CFAP20DC: variants seen among roughly 807,000 people sequenced by gnomAD.
CFAP20DC encodes the protein protein CFAP20DC.
A neutral mutation model predicts 101.7 loss-of-function variants in CFAP20DC; 84 were observed. That is an observed-to-expected ratio of 0.83 (90% CI 0.69 to 0.99). CFAP20DC has a LOEUF of 0.99. Ranked by LOEUF, CFAP20DC falls within the 50% of genes least tolerant of loss-of-function variation. CFAP20DC has a pLI of 0.00. For synonymous variants in CFAP20DC, 359 were observed against 351.2 expected (o/e 1.02, Z -0.25); for missense variants, 1,007 against 970.3 (o/e 1.04, Z -0.50).
chr3:58,775,286 C>T (rs925660880), intron 15 of CFAP20DC, among the ~76,000 whole-genome samples: 2 of 152,060 alleles, frequency 1.3e-5, no homozygotes, highest in South Asian at 4.1e-4. Flanking sequence ...ATAAGCTTTT[C>T]CAAAGTAGAC....
intron 4 of CFAP20DC, 28 bp downstream of exon 4, chr3:59,039,529 A>G (rs1028368429): frequency 1.6e-5 from 21 of 1,353,136 alleles, no homozygotes; most frequent in Non-Finnish European, 2.0e-5. Flanking sequence ...TACACACAAA[A>G]CATTCAAAGA....
Position 58,913,050 on chromosome 3 carries a change from C to T in CFAP20DC, c.550+658G>A. On this transcript the variant is annotated intron_variant, in intron 6 of 16. Coordinates refer to ENST00000482387, the MANE Select transcript of CFAP20DC (RefSeq NM_001394063.1). The surrounding 1 kb of genome is among the most constrained non-coding windows in gnomAD (Gnocchi z 4.4). ...GCCTGCCTTCCTTGCAGCATGCAAC[C>T]TAGACTCCACAGGACAGAAACAGCC... Among the ~76,000 whole-genome samples, 1 of 152,132 alleles carries T rather than the reference C, an allele frequency of 6.6e-6. No homozygotes were observed. Among genetic ancestry groups the T allele is most frequent in the East Asian group, 1.9e-4 (1 of 5,198 alleles).
intron 12 of CFAP20DC, among the ~76,000 whole-genome samples, chr3:58,852,838 T>C (rs1468405006): frequency 1.3e-5 from 2 of 148,616 alleles, no homozygotes; most frequent in Non-Finnish European, 3.0e-5. Context: ...CAAAGCAGTG[T>C]GTAGAGGGAA....
Position 58,849,110 on chromosome 3 carries a change from C to G in CFAP20DC, c.1893G>C (p.Gln631His). The change falls in exon 13 of 17, where the codon CAG (glutamine) becomes CAC (histidine). Residue 631 changes from glutamine to histidine, a missense_variant. Physicochemically the swap from Gln to His is conservative, Grantham distance 24. Coordinates refer to ENST00000482387, the MANE Select transcript of CFAP20DC (RefSeq NM_001394063.1). ...PVIKAKDLSA[Q>H]QVPASLNKTS... ...TTTTGTTTAGTGAAGCTGGCACTTGCTGGGCTGATAGATCCTTCGCTTTGA... is the reference window on the plus strand; with the variant it reads ...TTTTGTTTAGTGAAGCTGGCACTTGGTGGGCTGATAGATCCTTCGCTTTGA... The G allele has an allele frequency of 6.5e-7, 1 of 1,536,064 alleles. No homozygotes were observed. The highest frequency in any genetic ancestry group is 1.2e-5 in the South Asian group (1 of 84,032).
intron 4 of CFAP20DC, among the ~76,000 whole-genome samples, chr3:58,969,884 T>C (rs1177628877): frequency 6.6e-6 from 1 of 152,160 alleles, no homozygotes; most frequent in South Asian, 2.1e-4. Flanking sequence ...GGAGAGTACC[T>C]GCTAATGGGT....
At chr3:58,829,257 G>T (rs577959792) in intron 14 of CFAP20DC, among the ~76,000 whole-genome samples, 2 of 149,214 alleles carry the variant, frequency 1.3e-5, no homozygotes, top group Admixed American at 6.8e-5. Context: ...GGAGGCAGAG[G>T]TTGCAGTGAG....
intron 4 of CFAP20DC, among the ~76,000 whole-genome samples, chr3:58,962,655 G>A (rs2091234673): frequency 6.6e-6 from 1 of 152,156 alleles, no homozygotes; most frequent in Admixed American, 6.5e-5. Flanking sequence ...TACCCTTGCT[G>A]ATGGATCTAT....
At position 58,794,451 on chromosome 3, in the gene CFAP20DC, G is replaced by GTTGACTTCTATGGTAT; in HGVS notation, c.2237+11928_2237+11943dup. On this transcript the variant is annotated intron_variant, in intron 15 of 16. Transcript: ENST00000482387. ...CAAGTCATCTTAAACAGCCTGGACT[G>GTTGACTTCTATGGTAT]TTGACTTCTATGGTATTTATTATAC... is the stretch of plus-strand genomic sequence containing the variant. 7.8e-6 allele frequency: 3 copies of GTTGACTTCTATGGTAT among 385,518 alleles called. No individual in the cohort carries two copies. In the Middle Eastern group the frequency reaches 1.2e-3, roughly 153 times the overall value. The allele number at this position is 385,518 out of a possible 1,614,324, so 23.9% of individuals were successfully genotyped here. A position where few individuals can be genotyped will look rare whatever the true frequency, so the allele number is the denominator to read the frequency against.
At position 58,729,960 on chromosome 3, in the gene CFAP20DC, G is replaced by C. The variant is rs1267122783; in HGVS notation, c.198-12332C>G. 4.7e-5 allele frequency among the ~76,000 whole-genome samples: 7 copies of C among 150,356 alleles called. No homozygotes were observed. The highest frequency in any genetic ancestry group is 4.6e-4 in the Admixed American group (7 of 15,078). Reference sequence around the variant, plus strand: ...TTGAACCCAGGAGGCAGAGGTTGTGGTGAACTGAGATCACGCCATTGCATT... The same window carrying C: ...TTGAACCCAGGAGGCAGAGGTTGTGCTGAACTGAGATCACGCCATTGCATT... On this transcript the variant is annotated intron_variant, in intron 3 of 3. Transcript: ENST00000486145. This position sits in a 1 kb window ranked among gnomAD's most constrained non-coding sequence, Gnocchi z 4.4.
At chr3:59,020,345 A>C (rs930977733) in intron 4 of CFAP20DC, among the ~76,000 whole-genome samples, 2 of 152,078 alleles carry the variant, frequency 1.3e-5, no homozygotes, top group African/African-American at 4.8e-5. Context: ...TCTTATAGAC[A>C]TAACATTTTA....
At chr3:58,723,803 G>T (rs768006434) in intron 3 of CFAP20DC, among the ~76,000 whole-genome samples, 3 of 152,180 alleles carry the variant, frequency 2.0e-5, no homozygotes, top group Non-Finnish European at 4.4e-5. Context: ...CTGGCATGTG[G>T]CATATTCAAT....
intron 4 of CFAP20DC, among the ~76,000 whole-genome samples, chr3:58,969,843 C>A (rs1348740714): frequency 1.3e-5 from 2 of 152,022 alleles, no homozygotes; most frequent in Non-Finnish European, 2.9e-5. Context: ...TCTAGAGAGA[C>A]AGAGAGAAAG....
intron 6 of CFAP20DC, among the ~76,000 whole-genome samples, chr3:58,900,739 T>TTGA (rs1292425455): frequency 6.6e-6 from 1 of 152,228 alleles, no homozygotes; most frequent in Non-Finnish European, 1.5e-5. Flanking sequence ...GGTGGGTTTC[T>TTGA]TGATGTCTTT....
chr3:58,924,198 C>T (rs754100658), intron 5 of CFAP20DC, among the ~76,000 whole-genome samples: 9 of 152,054 alleles, frequency 5.9e-5, no homozygotes, highest in African/African-American at 9.7e-5. Flanking sequence ...AACATTGCAA[C>T]CAATAGGTAA....
Position 59,049,864 on chromosome 3 carries a change from G to C in CFAP20DC, c.-233C>G, listed in dbSNP as rs1019300800. ...CGGCTCCAGCCTCCGCGGTGCCCGG[G>C]TCTGGGGAGGGCGCAGCTGCCTGGA... is the stretch of plus-strand genomic sequence containing the variant. On this transcript the variant is annotated 5_prime_UTR_variant, in exon 1 of 17. Transcript: ENST00000482387. The C allele has an allele frequency of 5.1e-6, 3 of 592,042 alleles. No homozygotes were observed. Among genetic ancestry groups the C allele is most frequent in the Non-Finnish European group, 9.0e-6 (3 of 335,108 alleles). 36.7% of individuals were successfully genotyped at this position (592,042 alleles called of 1,614,324 possible). A position where few individuals can be genotyped will look rare whatever the true frequency, so the allele number is the denominator to read the frequency against.
intron 5 of CFAP20DC, among the ~76,000 whole-genome samples, chr3:58,933,876 G>C (rs1208946619): frequency 1.3e-5 from 2 of 151,640 alleles, no homozygotes; most frequent in African/African-American, 4.8e-5. Context: ...AAAAGCAAGA[G>C]CAAACACATT....
chr3:59,046,826 G>A lies in CFAP20DC; in HGVS notation c.111+339C>T, dbSNP rs376224374. ...GACAGGGAGCAGGGTAAGACAGTAG[G>A]GATGAATGCTGAAGTAGAGCGGAAG... On this transcript the variant is annotated intron_variant, in intron 2 of 16. Transcript: ENST00000482387. Among the ~76,000 whole-genome samples the A allele has an allele frequency of 1.2e-4, 18 of 152,138 alleles. No homozygotes were observed. In the East Asian group the frequency reaches 3.3e-3, roughly 28 times the overall value.
chr3:58,830,482 A>T (rs1407273854), intron 14 of CFAP20DC, among the ~76,000 whole-genome samples: 2 of 152,186 alleles, frequency 1.3e-5, no homozygotes, highest in Non-Finnish European at 2.9e-5. Flanking sequence ...GATAACATGT[A>T]AGGCATTAGG....
chr3:58,879,625 T>G (rs949803032), intron 7 of CFAP20DC, among the ~76,000 whole-genome samples: 1 of 152,148 alleles, frequency 6.6e-6, no homozygotes, highest in East Asian at 1.9e-4. Flanking sequence ...CAGGCTTACA[T>G]TTTAGTGGGG....
Sources: allele counts gnomAD v4.1 joint callset (sites outside exome capture counted in the v4.1 genomes callset), GRCh38; gene constraint gnomAD v4.1.1; non-coding constraint Gnocchi (gnomAD v3.1); transcripts MANE v1.5; gene names NCBI Gene and HGNC (gene_info 2026-07-23, HGNC 2026-07-21).